NR2F1-AS1: variants seen among roughly 807,000 people sequenced by gnomAD.
The protein encoded by NR2F1-AS1 is NR2F1 antisense RNA 1.
chr5:93,463,083 G>C (rs748809976), intron 4 of NR2F1-AS1, among the ~76,000 whole-genome samples: 1 of 152,190 alleles, frequency 6.6e-6, no homozygotes, highest in Non-Finnish European at 1.5e-5. Context: ...GGCCATGTCA[G>C]AGACCTTTGC....
chr5:93,445,054 T>G (rs1392486047), intron 4 of NR2F1-AS1, among the ~76,000 whole-genome samples: 1 of 152,184 alleles, frequency 6.6e-6, no homozygotes, highest in Non-Finnish European at 1.5e-5. Flanking sequence ...TAAAGCAATC[T>G]GTAGAGGGAA....
intron 4 of NR2F1-AS1, among the ~76,000 whole-genome samples, chr5:93,510,998 A>C (rs966765066): frequency 6.6e-6 from 1 of 152,176 alleles, no homozygotes; most frequent in African/African-American, 2.4e-5. Flanking sequence ...TTTTTTTGGC[A>C]AAATTATTGA....
intron 4 of NR2F1-AS1, among the ~76,000 whole-genome samples, chr5:93,523,513 GCCT>G (rs1057351099): frequency 1.8e-4 from 28 of 152,276 alleles, no homozygotes; most frequent in Middle Eastern, 6.8e-3. Flanking sequence ...GAAACACACT[GCCT>G]CCTCAAGTGG....
chr5:93,427,524 A>G (rs1375381749), intron 4 of NR2F1-AS1, among the ~76,000 whole-genome samples: 1 of 152,142 alleles, frequency 6.6e-6, no homozygotes, highest in Non-Finnish European at 1.5e-5. Context: ...CCCCAGCTAC[A>G]TTGTAAACTT....
At chr5:93,530,097 T>C (rs1751704152) in intron 4 of NR2F1-AS1, among the ~76,000 whole-genome samples, 1 of 148,838 alleles carries the variant, frequency 6.7e-6, no homozygotes, top group African/African-American at 2.5e-5. Context: ...TTTTTTTTTT[T>C]TGAGACGGAG....
intron 4 of NR2F1-AS1, among the ~76,000 whole-genome samples, chr5:93,523,119 C>G (rs1182995783): frequency 3.3e-5 from 5 of 152,150 alleles, no homozygotes; most frequent in African/African-American, 1.2e-4. Flanking sequence ...GCTCTGCCAG[C>G]ACAGCAGTAT....
At chr5:93,415,197 T>A (rs1466502478) in intron 4 of NR2F1-AS1, among the ~76,000 whole-genome samples, 1 of 152,216 alleles carries the variant, frequency 6.6e-6, no homozygotes, top group Admixed American at 6.5e-5. Context: ...TGCCACTTTA[T>A]AGCTGACCTA....
intron 4 of NR2F1-AS1, among the ~76,000 whole-genome samples, chr5:93,498,664 C>T (rs1217795926): frequency 6.6e-6 from 1 of 151,790 alleles, no homozygotes; most frequent in African/African-American, 2.4e-5. Context: ...TTCAATGAAA[C>T]ATCTATACTG....
chr5:93,447,390 C>T (rs1469328000), intron 4 of NR2F1-AS1, among the ~76,000 whole-genome samples: 2 of 152,082 alleles, frequency 1.3e-5, no homozygotes, highest in Admixed American at 1.3e-4. Context: ...AAAAAGGGGG[C>T]AAAAGATAGG....
At chr5:93,580,450 A>G (rs1000423248) in intron 1 of NR2F1-AS1, 3 of 152,244 alleles carry the variant, frequency 2.0e-5, no homozygotes, top group East Asian at 3.9e-4. Flanking sequence ...AGAAACGACA[A>G]CCATTATGTT....
intron 4 of NR2F1-AS1, among the ~76,000 whole-genome samples, chr5:93,507,433 C>T (rs551229724): frequency 1.3e-5 from 2 of 152,280 alleles, no homozygotes; most frequent in South Asian, 4.1e-4. Context: ...TCTCGGCTCA[C>T]TGCAACCTCT....
chr5:93,448,463 C>T lies in NR2F1-AS1; in HGVS notation n.639-52921G>A, dbSNP rs542660857. On this transcript the variant is annotated intron_variant and non_coding_transcript_variant, in intron 4 of 5. Coordinates refer to ENST00000660523, the Ensembl canonical transcript of NR2F1-AS1. ...ATGGCTGGTCTCGTGGCTCTTTCTCCTTGTCTAGCCTCAATTGTGAGTGGA... is the reference window on the plus strand; with the variant it reads ...ATGGCTGGTCTCGTGGCTCTTTCTCTTTGTCTAGCCTCAATTGTGAGTGGA... 2.6e-5 allele frequency among the ~76,000 whole-genome samples: 4 copies of T among 152,302 alleles called. 1 individual carries two copies. The South Asian group carries it at 8.3e-4, about 32-fold the overall frequency.
At chr5:93,548,012 G>GT (rs1752129101) in intron 4 of NR2F1-AS1, among the ~76,000 whole-genome samples, 2 of 152,164 alleles carry the variant, frequency 1.3e-5, no homozygotes, top group South Asian at 2.1e-4. Context: ...ATCGTGGAAC[G>GT]TAAGGCTGGC....
chr5:93,499,540 T>C (rs1580279472), intron 4 of NR2F1-AS1, among the ~76,000 whole-genome samples: 1 of 152,234 alleles, frequency 6.6e-6, no homozygotes, highest in East Asian at 1.9e-4. Context: ...ATAAGCAAAC[T>C]TAATAAATGT....
intron 4 of NR2F1-AS1, among the ~76,000 whole-genome samples, chr5:93,550,722 T>C (rs1412245381): frequency 1.3e-5 from 2 of 152,218 alleles, no homozygotes; most frequent in Admixed American, 6.5e-5. Flanking sequence ...AGCAAGTGCA[T>C]TTCATTTTTT....
intron 4 of NR2F1-AS1, among the ~76,000 whole-genome samples, chr5:93,548,048 G>A (rs1752130070): frequency 6.6e-6 from 1 of 152,118 alleles, no homozygotes. Flanking sequence ...TGGACATCCT[G>A]ACCACTTTAC....
chr5:93,483,215 G>C (rs1750640328), intron 4 of NR2F1-AS1, among the ~76,000 whole-genome samples: 1 of 152,136 alleles, frequency 6.6e-6, no homozygotes, highest in Non-Finnish European at 1.5e-5. Flanking sequence ...CTGGGATATG[G>C]TGGAAGCCCC....
chr5:93,478,891 T>G (rs1320771159), intron 4 of NR2F1-AS1, among the ~76,000 whole-genome samples: 1 of 152,212 alleles, frequency 6.6e-6, no homozygotes, highest in Non-Finnish European at 1.5e-5. Context: ...ACTATATAAC[T>G]CATTCAAACT....
chr5:93,560,506 C>A (rs931604792), intron 2 of NR2F1-AS1, among the ~76,000 whole-genome samples: 1 of 152,124 alleles, frequency 6.6e-6, no homozygotes, highest in Admixed American at 6.5e-5. Flanking sequence ...TCTACAATAC[C>A]ACTCCTTTAT....
Sources: gnomAD v4.1 joint callset for allele counts (sites outside exome capture counted in the v4.1 genomes callset) on GRCh38, gnomAD v4.1.1 for gene constraint, MANE v1.5 for transcripts, NCBI Gene and HGNC (gene_info 2026-07-23, HGNC 2026-07-21) for gene names.